Variants in CLPTM1L observed in about 807,000 individuals in gnomAD.
CLPTM1L encodes the protein CLPTM1 like, also known as lipid scramblase CLPTM1L.
Under a neutral mutation model 70.9 loss-of-function variants are expected in CLPTM1L, and 38 were observed. The observed-to-expected ratio is 0.54, with a 90% CI of 0.41 to 0.70. The LOEUF (loss-of-function observed/expected upper bound fraction) is 0.70. Among genes scored for constraint, CLPTM1L ranks in the 30% least tolerant of loss-of-function variants. The pLI is 0.00. For missense variants in CLPTM1L, 652 were observed against 705.9 expected, an observed-to-expected ratio of 0.92 and a Z score of 0.87; for synonymous variants, 339 against 299.9, an observed-to-expected ratio of 1.13 and a Z score of -1.35.
intron 6 of CLPTM1L, 79 bp downstream of exon 6, chr5:1,334,978 C>T: frequency 9.4e-7 from 1 of 1,067,208 alleles, no homozygotes; most frequent in South Asian, 1.3e-5. Flanking sequence ...AGGCCCCGGC[C>T]TGTGTCAGGA....
At chr5:1,334,005 C>G (rs565736480) in intron 7 of CLPTM1L, among the ~76,000 whole-genome samples, 1 of 152,250 alleles carries the variant, frequency 6.6e-6, no homozygotes, top group East Asian at 1.9e-4. Flanking sequence ...TCAGAGTACC[C>G]TGGATCCTTT....
In CLPTM1L at chr5:1,344,336, G is replaced by A. The variant is rs1245888674; in HGVS notation, c.263+15C>T. 1.3e-5 allele frequency: 20 copies of A among 1,549,908 alleles called. No homozygotes were observed. The highest frequency in any genetic ancestry group is 1.7e-5 in the Non-Finnish European group (19 of 1,121,464). Reference sequence around the variant, plus strand: ...ATGTTTTCCCTTTCACTGGCATTTTGTCCTACGCCCATACCTTTCAAATTT... The same window carrying A: ...ATGTTTTCCCTTTCACTGGCATTTTATCCTACGCCCATACCTTTCAAATTT... On this transcript the variant is annotated intron_variant, in intron 2 of 16. Transcript: ENST00000320895.
Position 1,344,875 on chromosome 5 carries a change from G to A in CLPTM1L, c.-34C>T, listed in dbSNP as rs1001281415. On this transcript the variant is annotated 5_prime_UTR_variant, in exon 1 of 17. Coordinates refer to ENST00000320895, the MANE Select transcript of CLPTM1L (RefSeq NM_030782.5). ...CGCGCCCGGCGCCCCCGGCCCGCCCGCCTCTCAGCCGCGAGCCCCGCCCGC... is the reference window on the plus strand; with the variant it reads ...CGCGCCCGGCGCCCCCGGCCCGCCCACCTCTCAGCCGCGAGCCCCGCCCGC... The A allele has an allele frequency of 7.2e-6, 9 of 1,253,766 alleles. No individual in the cohort carries two copies. The highest frequency in any genetic ancestry group is 9.1e-6 in the Non-Finnish European group (9 of 987,566). 77.7% of individuals were successfully genotyped at this position (1,253,766 alleles called of 1,614,324 possible). A position where few individuals can be genotyped will look rare whatever the true frequency, so the allele number is the denominator to read the frequency against.
chr5:1,341,695 C>A lies in CLPTM1L; in HGVS notation c.429G>T (p.Leu143=). The part of the protein sequence containing the change: ...YMVPKPEEIN[L]LTGESDTQQI... ...CCTGTGTATCAGACTCCCCGGTGAG[C>A]AGGTTGATTTCTTCTGGCTTGGGGA... The change falls in exon 3 of 17, where the codon CTG becomes CTT. Residue 143 remains leucine, a synonymous_variant. Transcript: ENST00000320895. 1.2e-6 allele frequency: 2 copies of A among 1,610,236 alleles called. No homozygotes were observed. The highest frequency in any genetic ancestry group is 1.7e-6 in the Non-Finnish European group (2 of 1,177,004).
At chr5:1,333,215 G>A (rs28601715) in intron 7 of CLPTM1L, among the ~76,000 whole-genome samples, 1 of 15,794 alleles carries the variant, frequency 6.3e-5, no homozygotes, top group Non-Finnish European at 1.0e-4. Flanking sequence ...GACTACTGTA[G>A]ACACACCGGA....
At chr5:1,340,628 G>A (rs1753879731) in intron 3 of CLPTM1L, among the ~76,000 whole-genome samples, 1 of 152,208 alleles carries the variant, frequency 6.6e-6, no homozygotes, top group South Asian at 2.1e-4. Flanking sequence ...GAGAGGGGCA[G>A]GTGAGGGATG....
At chr5:1,331,746 A>G in intron 8 of CLPTM1L, 53 bp downstream of exon 8, 1 of 1,518,386 alleles carries the variant, frequency 6.6e-7, no homozygotes, top group Non-Finnish European at 9.1e-7. Context: ...CGCAGGCTCC[A>G]GTGAGCTCCC....
chr5:1,344,522 G>A, intron 1 of CLPTM1L, 71 bp from the exon 2 acceptor site: 1 of 1,506,574 alleles, frequency 6.6e-7, no homozygotes, highest in South Asian at 1.1e-5. Flanking sequence ...CCCACGGCCA[G>A]CTGGAGGGCG....
chr5:1,338,766 A>C, intron 4 of CLPTM1L, 94 bp downstream of exon 4: 1 of 1,450,760 alleles, frequency 6.9e-7, no homozygotes, highest in South Asian at 1.2e-5. Context: ...CACAGAGGGG[A>C]CTCCACGGTG....
intron 9 of CLPTM1L, among the ~76,000 whole-genome samples, chr5:1,329,306 T>G (rs1282718715): frequency 1.3e-5 from 2 of 152,258 alleles, no homozygotes; most frequent in Non-Finnish European, 2.9e-5. Context: ...TGTGCTCAGA[T>G]CTCCAGCCAC....
rs1424454826 is a variant in CLPTM1L, at chr5:1,342,690, T to C, written c.264-830A>G. Among the ~76,000 whole-genome samples the C allele has an allele frequency of 6.6e-6, 1 of 152,216 alleles. No individual in the cohort carries two copies. Among genetic ancestry groups the C allele is most frequent in the Non-Finnish European group, 1.5e-5 (1 of 68,024 alleles). Reference sequence around the variant, plus strand: ...GCATCCTCAACCTCCTGAGCTCAAGTGACCTCCCGCCTCAGTCTCCCGAGT... The same window carrying C: ...GCATCCTCAACCTCCTGAGCTCAAGCGACCTCCCGCCTCAGTCTCCCGAGT... On this transcript the variant is annotated intron_variant, in intron 2 of 16. Transcript: ENST00000320895. The surrounding 1 kb of genome is among the most constrained non-coding windows in gnomAD (Gnocchi z 4.3).
Position 1,344,456 on chromosome 5 carries a change from A to T in CLPTM1L, c.163-5T>A. ...CGTCGTGGTGTACACGCTCAGCTGG[A>T]AAGGAGGGGGCGTCGAGAGTCAGCT... On this transcript the variant is annotated splice_region_variant and splice_polypyrimidine_tract_variant and intron_variant, in intron 1 of 16. Coordinates refer to ENST00000320895, the MANE Select transcript of CLPTM1L (RefSeq NM_030782.5). 6.2e-7 allele frequency: 1 copy of T among 1,611,848 alleles called. No individual in the cohort carries two copies. The highest frequency in any genetic ancestry group is 8.5e-7 in the Non-Finnish European group (1 of 1,178,424).
intron 9 of CLPTM1L, among the ~76,000 whole-genome samples, chr5:1,328,679 A>T (rs1300851723): frequency 5.9e-4 from 88 of 149,388 alleles, no homozygotes; most frequent in Admixed American, 1.8e-3. Context: ...CTACAGACAC[A>T]TTTCATCCAG....
chr5:1,337,169 C>T (rs771305622), intron 5 of CLPTM1L, among the ~76,000 whole-genome samples: 2 of 152,204 alleles, frequency 1.3e-5, no homozygotes, highest in Non-Finnish European at 2.9e-5. Flanking sequence ...CCCAAATAAC[C>T]TCATCCGTGA....
intron 3 of CLPTM1L, among the ~76,000 whole-genome samples, chr5:1,339,266 T>G (rs366741): frequency 4.6e-5 from 5 of 109,762 alleles, no homozygotes; most frequent in Admixed American, 3.0e-4. Flanking sequence ...GCAGGGTCAG[T>G]GCCCTAACCT....
At chr5:1,333,517 T>G (rs71575563) in intron 7 of CLPTM1L, among the ~76,000 whole-genome samples, 33 of 31,460 alleles carry the variant, frequency 1.0e-3, no homozygotes, top group African/African-American at 2.6e-3. Flanking sequence ...GACTACTGTA[T>G]ACACACCAGA....
intron 5 of CLPTM1L, among the ~76,000 whole-genome samples, chr5:1,336,957 G>T (rs1029660543): frequency 1.3e-5 from 2 of 152,210 alleles, no homozygotes; most frequent in Non-Finnish European, 2.9e-5. Context: ...CCCCCCGCTA[G>T]CAAGCCCTCT....
intron 12 of CLPTM1L, among the ~76,000 whole-genome samples, chr5:1,323,296 C>G (rs554008869): frequency 3.5e-4 from 46 of 131,254 alleles, no homozygotes; most frequent in African/African-American, 1.1e-3. Flanking sequence ...CTGGAGGCTC[C>G]GGGATCCCTC....
chr5:1,321,658 G>A lies in CLPTM1L; in HGVS notation c.1393C>T (p.Pro465Ser). Reference sequence around the variant, plus strand: ...ACCTTGTAGGTGAAGGCCTTCCAGGGCAGATGTGCCACTGACTTCAACTGA... The same window carrying A: ...ACCTTGTAGGTGAAGGCCTTCCAGGACAGATGTGCCACTGACTTCAACTGA... The part of the protein sequence containing the change: ...NYKLKSVAHL[P>S]WKAFTYKAFN... The change falls in exon 15 of 17, where the codon CCC (proline) becomes TCC (serine). Residue 465 changes from proline (P) to serine (S), a missense_variant. Coordinates refer to ENST00000320895, the MANE Select transcript of CLPTM1L (RefSeq NM_030782.5). 1 of 1,613,946 alleles carries A rather than the reference G, an allele frequency of 6.2e-7. No individual in the cohort carries two copies. Among genetic ancestry groups the A allele is most frequent in the Non-Finnish European group, 8.5e-7 (1 of 1,180,014 alleles).
Sources: gnomAD v4.1 joint callset for allele counts (sites outside exome capture counted in the v4.1 genomes callset) on GRCh38, gnomAD v4.1.1 for gene constraint, Gnocchi (gnomAD v3.1) non-coding constraint, MANE v1.5 for transcripts, NCBI Gene and HGNC (gene_info 2026-07-23, HGNC 2026-07-21) for gene names.